Variants in SPTBN1 observed in about 807,000 individuals in gnomAD.
SPTBN1 encodes spectrin beta chain, non-erythrocytic 1.
A neutral mutation model predicts 266.4 loss-of-function variants in SPTBN1; 32 were observed. The ratio of observed to expected loss-of-function variants is 0.12; its 90% CI spans 0.09 to 0.16. The LOEUF is 0.16. SPTBN1 is among the 10% of genes least tolerant of loss of function. The pLI is 1.00. For synonymous variants in SPTBN1, 1,336 were observed against 1,162.2 expected, an observed-to-expected ratio of 1.15 and a Z score of -3.04; for missense variants, 2,296 against 3,067.1, an observed-to-expected ratio of 0.75 and a Z score of 5.94.
At chr2:54,583,127 T>A (rs1037417877) in intron 2 of SPTBN1, among the ~76,000 whole-genome samples, 5 of 152,024 alleles carry the variant, frequency 3.3e-5, no homozygotes, top group Admixed American at 6.6e-5. Context: ...GCCTCTGATC[T>A]TATTCCTGCC....
chr2:54,656,025 C>CT, intron 29 of SPTBN1, 27 bp downstream of exon 29: 1 of 1,571,724 alleles, frequency 6.4e-7, no homozygotes, highest in Non-Finnish European at 8.7e-7. Flanking sequence ...TCTTTCTGCT[C>CT]TTTTGGGTAT....
At position 54,653,592 on chromosome 2, in the gene SPTBN1, C is replaced by G; in HGVS notation, c.5578-17C>G. On this transcript the variant is annotated splice_polypyrimidine_tract_variant and intron_variant, in intron 26 of 35. Coordinates refer to ENST00000356805, the MANE Select transcript of SPTBN1 (RefSeq NM_003128.3). The surrounding 1 kb of genome is among the most constrained non-coding windows in gnomAD (Gnocchi z 5.1). ...CGCCATGGGCTGACCTGGCTCATCC[C>G]CTACATGGCTTCACAGGTGAGGCAG... 6.2e-7 allele frequency: 1 copy of G among 1,611,862 alleles called. No homozygotes were observed. The highest frequency in any genetic ancestry group is 8.5e-7 in the Non-Finnish European group (1 of 1,179,442).
intron 2 of SPTBN1, among the ~76,000 whole-genome samples, chr2:54,584,450 A>AT (rs1323509722): frequency 6.6e-6 from 1 of 152,242 alleles, no homozygotes; most frequent in African/African-American, 2.4e-5. Flanking sequence ...CATACTATAA[A>AT]TTTTGATATC....
At position 54,631,176 on chromosome 2, in the gene SPTBN1, G is replaced by T; in HGVS notation, c.3129G>T (p.Val1043=). The T allele has an allele frequency of 6.2e-7, 1 of 1,614,242 alleles. No homozygotes were observed. The highest frequency in any genetic ancestry group is 1.1e-5 in the South Asian group (1 of 91,092). The part of the protein sequence containing the change: ...ILSRLAEISD[V]WEEMKTTLKN... ...CTCGGCTGGCCGAGATCAGCGACGTGTGGGAGGAGATGAAGACCACCCTGA... is the reference window on the plus strand; with the variant it reads ...CTCGGCTGGCCGAGATCAGCGACGTTTGGGAGGAGATGAAGACCACCCTGA... The change falls in exon 16 of 36, where the codon GTG becomes GTT. Residue 1043 remains valine, a synonymous_variant. Transcript: ENST00000356805.
chr2:54,489,076 T>C (rs1573255376), intron 1 of SPTBN1, among the ~76,000 whole-genome samples: 1 of 150,944 alleles, frequency 6.6e-6, no homozygotes, highest in Non-Finnish European at 1.5e-5. Flanking sequence ...ATCCCAGCAC[T>C]TGGGGAGGCT....
chr2:54,520,499 T>C (rs1328128438), intron 1 of SPTBN1: 1 of 152,220 alleles, frequency 6.6e-6, no homozygotes, highest in Admixed American at 6.5e-5. Flanking sequence ...GTCTGCTTAT[T>C]GAAGCAGAAA....
rs186440410 is a variant in SPTBN1 at position 54,657,842 on chromosome 2, C to T, written c.6047-8C>T. 2 of 1,614,144 alleles carry T rather than the reference C, an allele frequency of 1.2e-6. No homozygotes were observed. The highest frequency in any genetic ancestry group is 2.7e-5 in the African/African-American group (2 of 75,034). ...TCAACGTGTACTAACTCATGGTACC[C>T]TGTGCAGTTCTGGAGGTCCATCAGT... On this transcript the variant is annotated splice_polypyrimidine_tract_variant and splice_region_variant and intron_variant, in intron 29 of 35. Transcript: ENST00000356805.
intron 1 of SPTBN1, among the ~76,000 whole-genome samples, chr2:54,505,700 G>A (rs1290963606): frequency 1.3e-5 from 2 of 152,178 alleles, no homozygotes; most frequent in Non-Finnish European, 2.9e-5. Flanking sequence ...AGTACCTGGG[G>A]TGATTTAACT....
At chr2:54,651,627 A>G (rs1029474694) in intron 26 of SPTBN1, among the ~76,000 whole-genome samples, 2 of 152,216 alleles carry the variant, frequency 1.3e-5, no homozygotes, top group Non-Finnish European at 2.9e-5. Context: ...AATAGTTCAT[A>G]TTTGTGGAAA....
intron 1 of SPTBN1, among the ~76,000 whole-genome samples, chr2:54,482,149 A>G (rs1372219684): frequency 6.6e-6 from 1 of 152,088 alleles, no homozygotes; most frequent in Admixed American, 6.5e-5. Context: ...TTAATGGTAG[A>G]CATTTTCACA....
At chr2:54,479,599 C>T (rs1307996508) in intron 1 of SPTBN1, among the ~76,000 whole-genome samples, 1 of 152,210 alleles carries the variant, frequency 6.6e-6, no homozygotes, top group Admixed American at 6.5e-5. Context: ...AACCAGATAA[C>T]ATGGTCACTC....
chr2:54,503,051 C>T (rs756846019), intron 1 of SPTBN1, among the ~76,000 whole-genome samples: 1 of 152,214 alleles, frequency 6.6e-6, no homozygotes, highest in Non-Finnish European at 1.5e-5. Flanking sequence ...TTGGATTTTA[C>T]AACTGGGTAC....
intron 2 of SPTBN1, among the ~76,000 whole-genome samples, chr2:54,581,372 C>T (rs1469120630): frequency 5.3e-5 from 8 of 152,024 alleles, no homozygotes; most frequent in African/African-American, 7.2e-5. Flanking sequence ...TAGGGTCGTC[C>T]GTGAGACACA....
chr2:54,638,026 G>A (rs1000247866), intron 18 of SPTBN1, among the ~76,000 whole-genome samples: 2 of 152,156 alleles, frequency 1.3e-5, no homozygotes, highest in Non-Finnish European at 2.9e-5. Flanking sequence ...TAATAGTATA[G>A]TACTGCACTG....
intron 1 of SPTBN1, among the ~76,000 whole-genome samples, chr2:54,506,802 A>C (rs1573295629): frequency 6.6e-6 from 1 of 152,174 alleles, no homozygotes; most frequent in East Asian, 1.9e-4. Context: ...AACCAGTAGG[A>C]ACATAGAACA....
At chr2:54,604,631 ATGT>A (rs1438592436) in intron 3 of SPTBN1, among the ~76,000 whole-genome samples, 1 of 152,172 alleles carries the variant, frequency 6.6e-6, no homozygotes, top group Non-Finnish European at 1.5e-5. Context: ...AATTAGAATT[ATGT>A]TGTCAGATCC....
At chr2:54,495,620 A>G (rs982370525) in intron 1 of SPTBN1, among the ~76,000 whole-genome samples, 1 of 151,966 alleles carries the variant, frequency 6.6e-6, no homozygotes, top group Admixed American at 6.6e-5. Flanking sequence ...TTTGGTGTAT[A>G]TTGTTTCAGA....
At chr2:54,605,120 T>C (rs1676755149) in intron 3 of SPTBN1, among the ~76,000 whole-genome samples, 1 of 152,202 alleles carries the variant, frequency 6.6e-6, no homozygotes. Context: ...AGAAAGTGTT[T>C]ACTGCTGAGA....
chr2:54,582,890 T>A (rs903933369), intron 2 of SPTBN1, among the ~76,000 whole-genome samples: 1 of 152,198 alleles, frequency 6.6e-6, no homozygotes, highest in African/African-American at 2.4e-5. Flanking sequence ...GAATTTGCTC[T>A]TATACAAAAT....
Sources: gnomAD v4.1 joint callset for allele counts (sites outside exome capture counted in the v4.1 genomes callset) on GRCh38, gnomAD v4.1.1 for gene constraint, Gnocchi (gnomAD v3.1) non-coding constraint, MANE v1.5 for transcripts, NCBI Gene and HGNC (gene_info 2026-07-23, HGNC 2026-07-21) for gene names.